The following ITGAV variants were observed in gnomAD, a reference collection of about 807,000 sequenced individuals.
ITGAV encodes the protein integrin alpha-V.
ITGAV carries 76 observed loss-of-function variants against 143.8 expected under a neutral mutation model. The ratio of observed to expected loss-of-function variants is 0.53; its 90% confidence interval spans 0.44 to 0.64. The LOEUF is 0.64. Among genes scored for constraint, ITGAV ranks in the 30% least tolerant of loss-of-function variants. The pLI is 0.00. For missense variants in ITGAV, 1,193 were observed against 1,274.7 expected, an observed-to-expected ratio of 0.94 and a Z score of 0.98; for synonymous variants, 453 against 446.7, an observed-to-expected ratio of 1.01 and a Z score of -0.18.
At chr2:186,671,532 T>C (rs747536788) in intron 26 of ITGAV, among the ~76,000 whole-genome samples, 1 of 152,134 alleles carries the variant, frequency 6.6e-6, no homozygotes, top group Non-Finnish European at 1.5e-5. Flanking sequence ...GACCAACCCA[T>C]GTGAAATAGA....
At chr2:186,658,696 G>A (rs1185816714) in intron 17 of ITGAV, among the ~76,000 whole-genome samples, 1 of 152,052 alleles carries the variant, frequency 6.6e-6, no homozygotes, top group Non-Finnish European at 1.5e-5. Context: ...AAGGAATGCA[G>A]AGGGAGGAAG....
At chr2:186,640,992 A>G (rs1199418617) in intron 11 of ITGAV, 25 bp downstream of exon 11, 2 of 1,547,916 alleles carry the variant, frequency 1.3e-6, no homozygotes, top group Non-Finnish European at 1.8e-6. Flanking sequence ...AAATGTTTCC[A>G]GAAAGTTATC....
intron 13 of ITGAV, among the ~76,000 whole-genome samples, chr2:186,647,203 T>C (rs1234429346): frequency 1.3e-5 from 2 of 152,032 alleles, no homozygotes; most frequent in African/African-American, 4.8e-5. Flanking sequence ...ATTTTTTTAA[T>C]TATGTAGAAT....
At chr2:186,658,959 C>G in intron 17 of ITGAV, 79 bp from the exon 18 acceptor site, 1 of 1,052,836 alleles carries the variant, frequency 9.5e-7, no homozygotes, top group Non-Finnish European at 1.4e-6. Flanking sequence ...ATACAGCTGG[C>G]TTTGTAATGT....
At chr2:186,611,146 G>A (rs1364386364) in intron 2 of ITGAV, among the ~76,000 whole-genome samples, 1 of 152,030 alleles carries the variant, frequency 6.6e-6, no homozygotes, top group African/African-American at 2.4e-5. Context: ...TTCTCATGCT[G>A]CATTACTCGA....
rs1688724322 is a variant in ITGAV, at chr2:186,660,792, C to G, written c.1857+1617C>G. ...AATTGATTCTCTCCTAATTTTGGAG[C>G]CTAGAAGTCTGAGATCCAGAGTCAG... On this transcript the variant is annotated intron_variant, in intron 18 of 29. Transcript: ENST00000261023. Among the ~76,000 whole-genome samples, 3 of 152,082 alleles carry G rather than the reference C, an allele frequency of 2.0e-5. No individual in the cohort carries two copies. In the South Asian group the frequency reaches 6.2e-4, roughly 32 times the overall value.
intron 2 of ITGAV, among the ~76,000 whole-genome samples, chr2:186,617,333 C>T (rs1687392081): frequency 6.6e-6 from 1 of 152,158 alleles, no homozygotes; most frequent in African/African-American, 2.4e-5. Context: ...AATTGTCCAG[C>T]AAGTTGAGTG....
chr2:186,618,273 C>T (rs982191905), intron 2 of ITGAV, among the ~76,000 whole-genome samples: 8 of 152,186 alleles, frequency 5.3e-5, no homozygotes, highest in Non-Finnish European at 1.2e-4. Context: ...AACTCTGTTG[C>T]AGGTGAAGGC....
At position 186,659,188 on chromosome 2, in the gene ITGAV, G is replaced by A. The variant is rs201880530; in HGVS notation, c.1857+13G>A. 4 of 1,504,324 alleles carry A rather than the reference G, an allele frequency of 2.7e-6. No homozygotes were observed. The highest frequency in any genetic ancestry group is 2.8e-5 in the African/African-American group (2 of 70,890). The allele number at this position is 1,504,324 out of a possible 1,614,324, so 93.2% of individuals were successfully genotyped here. A position where few individuals can be genotyped will look rare whatever the true frequency, so the allele number is the denominator to read the frequency against. On this transcript the variant is annotated intron_variant, in intron 18 of 29. Coordinates refer to ENST00000261023, the MANE Select transcript of ITGAV (RefSeq NM_002210.5). ...CATTAGTCGACAGGTACTGTACTCA[G>A]TTTACCACTAATGTGATATTTTGTT... is the stretch of plus-strand genomic sequence containing the variant.
intron 1 of ITGAV, among the ~76,000 whole-genome samples, chr2:186,596,873 A>C (rs1434432796): frequency 6.6e-6 from 1 of 152,220 alleles, no homozygotes; most frequent in East Asian, 1.9e-4. Flanking sequence ...AAACTTAAAT[A>C]TCTTAATGAT....
At chr2:186,594,271 G>A (rs1686689101) in intron 1 of ITGAV, among the ~76,000 whole-genome samples, 1 of 152,154 alleles carries the variant, frequency 6.6e-6, no homozygotes, top group Admixed American at 6.5e-5. Context: ...GATGTTAGTT[G>A]CACCTCTGTT....
intron 1 of ITGAV, 41 bp downstream of exon 1, chr2:186,590,564 C>A (rs775455265): frequency 1.9e-6 from 3 of 1,550,380 alleles, no homozygotes; most frequent in Non-Finnish European, 1.8e-6. Flanking sequence ...CCCCCTCCCC[C>A]ACCGCGCGCA....
chr2:186,603,166 A>G (rs550861669), intron 2 of ITGAV, among the ~76,000 whole-genome samples: 1 of 152,328 alleles, frequency 6.6e-6, no homozygotes, highest in South Asian at 2.1e-4. Flanking sequence ...GATAGTCCTT[A>G]AGGAAATAGT....
intron 14 of ITGAV, among the ~76,000 whole-genome samples, chr2:186,651,154 A>G (rs1281834813): frequency 6.6e-6 from 1 of 152,224 alleles, no homozygotes; most frequent in South Asian, 2.1e-4. Flanking sequence ...TAAGATGTTT[A>G]TATATCTATG....
rs1176453152 is a variant in ITGAV, at chr2:186,680,647, T to C, written c.*3355T>C. The C allele has an allele frequency of 1.3e-5, 2 of 152,614 alleles. No homozygotes were observed. Among genetic ancestry groups the C allele is most frequent in the East Asian group, 1.9e-4 (1 of 5,196 alleles). The allele number at this position is 152,614 out of a possible 1,614,324, so 9.5% of individuals were successfully genotyped here. A position where few individuals can be genotyped will look rare whatever the true frequency, so the allele number is the denominator to read the frequency against. On this transcript the variant is annotated 3_prime_UTR_variant, in exon 30 of 30. Coordinates refer to ENST00000261023, the MANE Select transcript of ITGAV (RefSeq NM_002210.5). ...TTCAGGCTGGAAATGAATTATTCTT[T>C]ACCAGTTTTGAAACACTTTGAAATA...
intron 10 of ITGAV, among the ~76,000 whole-genome samples, chr2:186,640,248 T>C (rs1688064761): frequency 6.6e-6 from 1 of 152,220 alleles, no homozygotes; most frequent in Admixed American, 6.5e-5. Context: ...TCTCCTGTGG[T>C]AGGGAAGAGG....
At position 186,677,264 on chromosome 2, in the gene ITGAV, A is replaced by G; in HGVS notation, c.3119A>G (p.Glu1040Gly). Residue 1040 changes from glutamate (E) to glycine (G), a missense_variant, in exon 30 of 30, where the codon GAA (glutamate) becomes GGA (glycine). Glu to Gly is a moderately conservative substitution (Grantham distance 98). Transcript: ENST00000261023. The stretch of plus-strand genomic sequence containing the variant: ...GAAAGGGAGCAGCTTCAACCTCATG[A>G]AAATGGTGAAGGAAACTCAGAAACT... ...EQEREQLQPH[E>G]NGEGNSET 1.9e-6 allele frequency: 3 copies of G among 1,613,518 alleles called. No individual in the cohort carries two copies. The highest frequency in any genetic ancestry group is 1.1e-5 in the South Asian group (1 of 91,034).
chr2:186,669,790 C>T lies in ITGAV; in HGVS notation c.2682C>T (p.Leu894=). ...DHLITKRDLA[L]SEGDIHTLGC... ...TCATCACTAAGCGGGATCTTGCCCT[C>T]AGTGAAGGAGATATTCACACTTTGG... The change falls in exon 26 of 30, where the codon CTC becomes CTT. Residue 894 remains leucine, a synonymous_variant. Transcript: ENST00000261023. 2 of 1,613,342 alleles carry T rather than the reference C, an allele frequency of 1.2e-6. No homozygotes were observed. Among genetic ancestry groups the T allele is most frequent in the Non-Finnish European group, 1.7e-6 (2 of 1,179,442 alleles).
chr2:186,630,906 C>T lies in ITGAV; in HGVS notation c.585+48C>T, dbSNP rs201182062. ...ATGAGATTCACATCTACCTTATTGA[C>T]TAGACTGTGGTTAAAAATAAACTGG... On this transcript the variant is annotated intron_variant, in intron 5 of 29. Coordinates refer to ENST00000261023, the MANE Select transcript of ITGAV (RefSeq NM_002210.5). 124 of 1,014,888 alleles carry T rather than the reference C, an allele frequency of 1.2e-4. 1 individual carries two copies. The South Asian group carries it at 1.7e-3, about 14-fold the overall frequency. The allele number at this position is 1,014,888 out of a possible 1,614,324, so 62.9% of individuals were successfully genotyped here. A position where few individuals can be genotyped will look rare whatever the true frequency, so the allele number is the denominator to read the frequency against.
Sources: allele counts gnomAD v4.1 joint callset (sites outside exome capture counted in the v4.1 genomes callset), GRCh38; gene constraint gnomAD v4.1.1; transcripts MANE v1.5; gene names NCBI Gene and HGNC (gene_info 2026-07-23, HGNC 2026-07-21).